The following LPAR5 variants were observed in gnomAD, a reference collection of about 807,000 sequenced individuals.
LPAR5 encodes lysophosphatidic acid receptor 5, also known as G protein-coupled receptor 92.
For synonymous variants in LPAR5, 271 were observed against 261.6 expected (o/e 1.04, Z -0.35); for missense variants, 544 against 521.8 (o/e 1.04, Z -0.41).
chr12:6,626,122 A>G (rs1345306379), intron 1 of LPAR5, among the ~76,000 whole-genome samples: 1 of 152,116 alleles, frequency 6.6e-6, no homozygotes, highest in African/African-American at 2.4e-5. Flanking sequence ...ATACAAAAAA[A>G]TAGCCAGGCA....
In LPAR5 at chr12:6,621,393, G is replaced by T; in HGVS notation, c.-145C>A. On this transcript the variant is annotated 5_prime_UTR_variant, in exon 2 of 2. Transcript: ENST00000329858. ...GCAGAGGGAGGTCATGGGAATGTGG[G>T]CTATGGCTGCAGGGACAGATGGCTG... is the stretch of plus-strand genomic sequence containing the variant. The T allele has an allele frequency of 2.6e-6, 2 of 772,632 alleles. No individual in the cohort carries two copies. The highest frequency in any genetic ancestry group is 3.7e-6 in the Non-Finnish European group (2 of 535,584). The allele number at this position is 772,632 out of a possible 1,614,324, so 47.9% of individuals were successfully genotyped here.
At chr12:6,632,867 G>A (rs911829882) in intron 1 of LPAR5, among the ~76,000 whole-genome samples, 1 of 152,172 alleles carries the variant, frequency 6.6e-6, no homozygotes, top group Non-Finnish European at 1.5e-5. Flanking sequence ...CTTCCTCAGA[G>A]AGGAGTCTCT....
chr12:6,619,846 G>T lies in LPAR5; in HGVS notation c.*284C>A. 1.7e-6 allele frequency: 1 copy of T among 604,146 alleles called. No individual in the cohort carries two copies. 37.4% of individuals were successfully genotyped at this position (604,146 alleles called of 1,614,324 possible). ...AGTTTAATGCCCTGCCCACCCAAAG[G>T]CATTTCGTCCTCTTCTGCCCTCTGC... On this transcript the variant is annotated 3_prime_UTR_variant, in exon 2 of 2. Coordinates refer to ENST00000329858, the MANE Select transcript of LPAR5 (RefSeq NM_020400.6).
intron 1 of LPAR5, among the ~76,000 whole-genome samples, chr12:6,630,699 G>C (rs985330277): frequency 1.3e-4 from 19 of 151,694 alleles, no homozygotes; most frequent in African/African-American, 3.9e-4. Flanking sequence ...TGATCCACCC[G>C]GCTCGGCCTC....
chr12:6,631,883 TCC>T (rs966858845), intron 1 of LPAR5, among the ~76,000 whole-genome samples: 7 of 152,106 alleles, frequency 4.6e-5, no homozygotes, highest in African/African-American at 7.2e-5. Flanking sequence ...TTTGCCCAGT[TCC>T]TCCCCCATAC....
chr12:6,620,210 CGGCATCCGGCCTGGT>C lies in LPAR5; in HGVS notation c.1024_1038del (p.Thr342_Ala346del). 1 of 1,612,726 alleles carries C rather than the reference CGGCATCCGGCCTGGT, an allele frequency of 6.2e-7. No homozygotes were observed. Among genetic ancestry groups the C allele is most frequent in the Non-Finnish European group, 8.5e-7 (1 of 1,179,358 alleles). On this transcript the variant is annotated inframe_deletion, in exon 2 of 2. Coordinates refer to ENST00000329858, the MANE Select transcript of LPAR5 (RefSeq NM_020400.6). The surrounding 1 kb of genome is among the most constrained non-coding windows in gnomAD (Gnocchi z 6.8). ...GAGGGTCGGAGCAGCCCCTGACTGG[CGGCATCCGGCCTGGT>C]GGCGTCGGTGGTGACGGCGGACCTT...
rs766491986 is a variant in LPAR5, at chr12:6,621,225, G to C, written c.24C>G (p.Thr8=). The change falls in exon 2 of 2, where the codon ACC becomes ACG. Residue 8 remains threonine, a synonymous_variant. Coordinates refer to ENST00000329858, the MANE Select transcript of LPAR5 (RefSeq NM_020400.6). ...CAGGACACGGGAGAACAGAACTGTTGGTTGAGGAGCTGTTGGCTAACATCG... is the reference window on the plus strand; with the variant it reads ...CAGGACACGGGAGAACAGAACTGTTCGTTGAGGAGCTGTTGGCTAACATCG... MLANSSS[T]NSSVLPCPDY... 62 of 1,514,990 alleles carry C rather than the reference G, an allele frequency of 4.1e-5. No individual in the cohort carries two copies. Among genetic ancestry groups the C allele is most frequent in the Non-Finnish European group, 5.4e-5 (61 of 1,130,988 alleles). The allele number at this position is 1,514,990 out of a possible 1,614,324, so 93.8% of individuals were successfully genotyped here.
chr12:6,620,534 TAGCC>T lies in LPAR5; in HGVS notation c.711_714del (p.Ala238ThrfsTer41). 1 of 1,572,896 alleles carries T rather than the reference TAGCC, an allele frequency of 6.4e-7. No homozygotes were observed. Among genetic ancestry groups the T allele is most frequent in the Non-Finnish European group, 8.6e-7 (1 of 1,159,694 alleles). ...AAGCACAGCAGGAAGATGACGAGGT[TAGCC>T]AGCAGGAGGCGCACGGTCTTCCGCC... On this transcript the variant is annotated frameshift_variant, in exon 2 of 2. Coordinates refer to ENST00000329858, the MANE Select transcript of LPAR5 (RefSeq NM_020400.6). LOFTEE classifies it low-confidence loss of function (END_TRUNC). This position sits in a 1 kb window ranked among gnomAD's most constrained non-coding sequence, Gnocchi z 6.8.
chr12:6,619,842 A>G lies in LPAR5; in HGVS notation c.*288T>C. 1 of 594,136 alleles carries G rather than the reference A, an allele frequency of 1.7e-6. No individual in the cohort carries two copies. Among genetic ancestry groups the G allele is most frequent in the Non-Finnish European group, 3.1e-6 (1 of 319,156 alleles). 36.8% of individuals were successfully genotyped at this position (594,136 alleles called of 1,614,324 possible). ...TAGCAGTTTAATGCCCTGCCCACCC[A>G]AAGGCATTTCGTCCTCTTCTGCCCT... On this transcript the variant is annotated 3_prime_UTR_variant, in exon 2 of 2. Coordinates refer to ENST00000329858, the MANE Select transcript of LPAR5 (RefSeq NM_020400.6).
At chr12:6,630,364 C>A (rs1462364230) in intron 1 of LPAR5, among the ~76,000 whole-genome samples, 1 of 147,858 alleles carries the variant, frequency 6.8e-6, no homozygotes, top group East Asian at 2.0e-4. Context: ...CTCAAGTGAT[C>A]TGCAGACCTC....
intron 1 of LPAR5, among the ~76,000 whole-genome samples, chr12:6,630,404 A>ACAAGAG (rs1181288449): frequency 1.5e-5 from 2 of 137,716 alleles, no homozygotes; most frequent in Non-Finnish European, 3.1e-5. Context: ...TGCTGGAATT[A>ACAAGAG]CAAGAGTGAA....
intron 1 of LPAR5, chr12:6,631,764 C>T (rs1948982051): frequency 6.6e-6 from 1 of 152,218 alleles, no homozygotes; most frequent in Non-Finnish European, 1.5e-5. Flanking sequence ...CTCCACACAC[C>T]CTGCCCTGGT....
At chr12:6,622,261 T>TA (rs756916910) in intron 1 of LPAR5, among the ~76,000 whole-genome samples, 96 of 148,184 alleles carry the variant, frequency 6.5e-4, no homozygotes, top group Middle Eastern at 3.6e-3. Context: ...CCATCTCTAC[T>TA]AAAAAAAATA....
At chr12:6,623,179 A>C (rs1303697827) in intron 1 of LPAR5, among the ~76,000 whole-genome samples, 1 of 151,922 alleles carries the variant, frequency 6.6e-6, no homozygotes, top group South Asian at 2.1e-4. Flanking sequence ...CGGAGGTTGC[A>C]GTGAGCTGAC....
Position 6,620,558 on chromosome 12 carries a change from TCCG to T in LPAR5, c.688_690del (p.Arg230del). The T allele has an allele frequency of 6.4e-7, 1 of 1,556,932 alleles. No homozygotes were observed. The highest frequency in any genetic ancestry group is 2.4e-5 in the East Asian group (1 of 41,608). Reference sequence around the variant, plus strand: ...TTAGCCAGCAGGAGGCGCACGGTCTTCCGCCGCCGCTGGCTCTGCGTGGCGTCG... The same window carrying T: ...TTAGCCAGCAGGAGGCGCACGGTCTTCCGCCGCTGGCTCTGCGTGGCGTCG... On this transcript the variant is annotated inframe_deletion, in exon 2 of 2. Coordinates refer to ENST00000329858, the MANE Select transcript of LPAR5 (RefSeq NM_020400.6). The surrounding 1 kb of genome is among the most constrained non-coding windows in gnomAD (Gnocchi z 6.8).
At chr12:6,631,358 A>G (rs919387451) in intron 1 of LPAR5, among the ~76,000 whole-genome samples, 2 of 152,150 alleles carry the variant, frequency 1.3e-5, no homozygotes, top group African/African-American at 2.4e-5. Flanking sequence ...TAGGGACAGT[A>G]TCCTTACACA....
chr12:6,620,088 G>C lies in LPAR5; in HGVS notation c.*42C>G, dbSNP rs776085504. On this transcript the variant is annotated 3_prime_UTR_variant, in exon 2 of 2. Transcript: ENST00000329858. This position sits in a 1 kb window ranked among gnomAD's most constrained non-coding sequence, Gnocchi z 6.8. ...ACCCTGTAAGCCTCCCAGAACGAGAGGCGTTGGGAGTCGGGCACGGACAGC... is the reference window on the plus strand; with the variant it reads ...ACCCTGTAAGCCTCCCAGAACGAGACGCGTTGGGAGTCGGGCACGGACAGC... 1.2e-6 allele frequency: 2 copies of C among 1,611,574 alleles called. No individual in the cohort carries two copies. Among genetic ancestry groups the C allele is most frequent in the African/African-American group, 2.7e-5 (2 of 74,874 alleles).
Position 6,621,357 on chromosome 12 carries a change from T to C in LPAR5, c.-109A>G. ...GGGCCTAGAGGCTGTACAGACATGGTCCCAAAACAAGCAGAGGGAGGTCAT... is the reference window on the plus strand; with the variant it reads ...GGGCCTAGAGGCTGTACAGACATGGCCCCAAAACAAGCAGAGGGAGGTCAT... On this transcript the variant is annotated 5_prime_UTR_variant, in exon 2 of 2. Coordinates refer to ENST00000329858, the MANE Select transcript of LPAR5 (RefSeq NM_020400.6). 1 of 1,118,486 alleles carries C rather than the reference T, an allele frequency of 8.9e-7. No homozygotes were observed. The highest frequency in any genetic ancestry group is 1.2e-6 in the Non-Finnish European group (1 of 845,878). 69.3% of individuals were successfully genotyped at this position (1,118,486 alleles called of 1,614,324 possible). A position where few individuals can be genotyped will look rare whatever the true frequency, so the allele number is the denominator to read the frequency against.
intron 1 of LPAR5, among the ~76,000 whole-genome samples, chr12:6,633,393 GTTC>G (rs746591953): frequency 4.0e-5 from 6 of 151,670 alleles, no homozygotes; most frequent in South Asian, 2.1e-4. Context: ...GCTCTTGCCG[GTTC>G]CTTCTCCTGG....
Sources: gnomAD v4.1 joint callset for allele counts (sites outside exome capture counted in the v4.1 genomes callset) on GRCh38, gnomAD v4.1.1 for gene constraint, Gnocchi (gnomAD v3.1) non-coding constraint, MANE v1.5 for transcripts, NCBI Gene and HGNC (gene_info 2026-07-23, HGNC 2026-07-21) for gene names.